RBFOX3: variants seen among roughly 807,000 people sequenced by gnomAD.
RBFOX3 encodes the protein RNA binding protein fox-1 homolog 3.
Under a neutral mutation model 48.7 loss-of-function variants are expected in RBFOX3, and 17 were observed. That is an observed-to-expected ratio of 0.35 (90% CI 0.24 to 0.52). RBFOX3 has a LOEUF of 0.52. RBFOX3 is among the 20% of genes least tolerant of loss of function. The pLI, the probability that RBFOX3 is intolerant of heterozygous loss-of-function variation, is 0.94. For synonymous variants in RBFOX3, 212 were observed against 209.5 expected, an observed-to-expected ratio of 1.01 and a Z score of -0.10; for missense variants, 382 against 497.5, an observed-to-expected ratio of 0.77 and a Z score of 2.21.
At chr17:79,317,042 G>T (rs2077632163) in intron 2 of RBFOX3, among the ~76,000 whole-genome samples, 1 of 152,102 alleles carries the variant, frequency 6.6e-6, no homozygotes, top group African/African-American at 2.4e-5. Context: ...ATCCTTCAAA[G>T]AAAGGAGCTG....
intron 4 of RBFOX3, among the ~76,000 whole-genome samples, chr17:79,231,601 G>A (rs544193502): frequency 1.3e-5 from 2 of 152,256 alleles, no homozygotes; most frequent in South Asian, 4.1e-4. Context: ...TAGCAAGGCT[G>A]CAGGACACAA....
At chr17:79,121,696 G>C (rs1159467867) in intron 4 of RBFOX3, among the ~76,000 whole-genome samples, 1 of 152,076 alleles carries the variant, frequency 6.6e-6, no homozygotes, top group Non-Finnish European at 1.5e-5. Context: ...ACTCTCAGTT[G>C]GTTCTATTTT....
At chr17:79,273,635 G>T (rs1432069525) in intron 3 of RBFOX3, among the ~76,000 whole-genome samples, 1 of 152,104 alleles carries the variant, frequency 6.6e-6, no homozygotes, top group Non-Finnish European at 1.5e-5. Context: ...GGCTGGCCCT[G>T]GTCCTGGGGC....
At chr17:79,352,943 C>A (rs1414469410) in intron 2 of RBFOX3, among the ~76,000 whole-genome samples, 1 of 152,206 alleles carries the variant, frequency 6.6e-6, no homozygotes, top group East Asian at 1.9e-4. Flanking sequence ...CCAGAGCCTC[C>A]CTTTTGGGCA....
At chr17:79,661,345 C>T in the RBFOX3 span, among the ~76,000 whole-genome samples, 53 of 152,240 alleles carry the variant, frequency 3.5e-4, no homozygotes, top group African/African-American at 1.0e-3. Flanking sequence ...CATTTCTGAA[C>T]TTCACATGAG....
At chr17:79,333,368 T>A (rs2080705966) in intron 2 of RBFOX3, among the ~76,000 whole-genome samples, 1 of 152,206 alleles carries the variant, frequency 6.6e-6, no homozygotes. Flanking sequence ...CTTGCTTTCT[T>A]TTGTTCCAGA....
intron 1 of RBFOX3, among the ~76,000 whole-genome samples, chr17:79,578,964 C>T (rs2092952811): frequency 6.6e-6 from 1 of 152,228 alleles, no homozygotes; most frequent in Non-Finnish European, 1.5e-5. Context: ...ACGCAGTGGC[C>T]TTGACTCAGG....
chr17:79,420,974 C>G (rs1555721979), intron 2 of RBFOX3, among the ~76,000 whole-genome samples: 1 of 152,150 alleles, frequency 6.6e-6, no homozygotes, highest in East Asian at 1.9e-4. Context: ...CTGGTGAAGA[C>G]TCGGGCATGG....
At chr17:79,097,536 G>T in intron 10 of RBFOX3, 112 bp from the exon 11 acceptor site, 2 of 729,526 alleles carry the variant, frequency 2.7e-6, no homozygotes, top group East Asian at 9.2e-5. Flanking sequence ...CCCTCCCCAA[G>T]CCCCGCCCCC....
At chr17:79,620,612 C>T in the RBFOX3 span, among the ~76,000 whole-genome samples, 1 of 134,516 alleles carries the variant, frequency 7.4e-6, no homozygotes, top group African/African-American at 2.8e-5. Flanking sequence ...CGCACACATG[C>T]ACACACGCAC....
chr17:79,202,343 G>A (rs11869810), intron 4 of RBFOX3, among the ~76,000 whole-genome samples: 3,169 of 152,208 alleles, frequency 0.021, 106 homozygotes, highest in African/African-American at 0.073. Flanking sequence ...CCACGCTCAC[G>A]TATAATAACA....
At chr17:79,370,206 G>A (rs1402319219) in intron 2 of RBFOX3, among the ~76,000 whole-genome samples, 2 of 152,204 alleles carry the variant, frequency 1.3e-5, no homozygotes, top group South Asian at 2.1e-4. Context: ...GCACTTGGAC[G>A]TCAGAAAATC....
chr17:79,491,387 A>C (rs1203441108), intron 1 of RBFOX3, among the ~76,000 whole-genome samples: 2 of 152,050 alleles, frequency 1.3e-5, no homozygotes, highest in African/African-American at 2.4e-5. Context: ...TAAGTAGGAC[A>C]TGATGAAGAT....
intron 2 of RBFOX3, among the ~76,000 whole-genome samples, chr17:79,399,238 G>A (rs1370489463): frequency 3.3e-5 from 5 of 152,210 alleles, no homozygotes; most frequent in African/African-American, 4.8e-5. Flanking sequence ...CACCCAGTCC[G>A]TGGCAGTTTG....
At chr17:79,256,072 G>A (rs1028233122) in intron 3 of RBFOX3, among the ~76,000 whole-genome samples, 1 of 151,808 alleles carries the variant, frequency 6.6e-6, no homozygotes, top group Admixed American at 6.6e-5. Flanking sequence ...GTGCGGACGG[G>A]AGGGGCTGAC....
intron 3 of RBFOX3, among the ~76,000 whole-genome samples, chr17:79,279,888 TAAC>T (rs1333882791): frequency 1.3e-5 from 2 of 152,144 alleles, no homozygotes; most frequent in Non-Finnish European, 1.5e-5. Flanking sequence ...TGGAAGGTCT[TAAC>T]AACTCCAGGC....
chr17:79,470,326 G>A (rs531824144), intron 2 of RBFOX3, among the ~76,000 whole-genome samples: 1 of 152,178 alleles, frequency 6.6e-6, no homozygotes, highest in Non-Finnish European at 1.5e-5. Context: ...TGGACAGAGG[G>A]GAAAGAGTAA....
In RBFOX3 at chr17:79,392,498, C is replaced by G. The variant is rs2061483798; in HGVS notation, c.-174-84674G>C. On this transcript the variant is annotated intron_variant, in intron 2 of 14. Transcript: ENST00000693108. The surrounding 1 kb of genome is among the most constrained non-coding windows in gnomAD (Gnocchi z 5.0). ...GGCTGTCACTGAGGTTGTTCATAATCTCCTGGCTCCTGTTCCTGCTGGAGC... is the reference window on the plus strand; with the variant it reads ...GGCTGTCACTGAGGTTGTTCATAATGTCCTGGCTCCTGTTCCTGCTGGAGC... Among the ~76,000 whole-genome samples the G allele has an allele frequency of 6.6e-6, 1 of 152,234 alleles. No homozygotes were observed. Among genetic ancestry groups the G allele is most frequent in the African/African-American group, 2.4e-5 (1 of 41,452 alleles).
chr17:79,546,686 T>TTC (rs1411139293), intron 1 of RBFOX3, among the ~76,000 whole-genome samples: 111 of 150,728 alleles, frequency 7.4e-4, no homozygotes, highest in African/African-American at 2.7e-3. Flanking sequence ...TTTTTTTTTT[T>TTC]TGAGACACGG....
Sources: allele counts gnomAD v4.1 joint callset (sites outside exome capture counted in the v4.1 genomes callset), GRCh38; gene constraint gnomAD v4.1.1; non-coding constraint Gnocchi (gnomAD v3.1); transcripts MANE v1.5; gene names NCBI Gene and HGNC (gene_info 2026-07-23, HGNC 2026-07-21).